LRRC4C: variants seen among roughly 807,000 people sequenced by gnomAD.
LRRC4C encodes the protein leucine-rich repeat-containing protein 4C.
LRRC4C carries 5 observed loss-of-function variants against 33.6 expected under a neutral mutation model. The ratio of observed to expected loss-of-function variants is 0.15; its 90% confidence interval spans 0.08 to 0.31. The LOEUF (loss-of-function observed/expected upper bound fraction) is 0.31. Among genes scored for constraint, LRRC4C ranks in the 10% least tolerant of loss-of-function variants. The pLI is 1.00. For missense variants in LRRC4C, 560 were observed against 796.7 expected (o/e 0.70, Z 3.58); for synonymous variants, 329 against 302.0 (o/e 1.09, Z -0.93).
chr11:40,861,322 A>C (rs1954090028), intron 2 of LRRC4C, among the ~76,000 whole-genome samples: 1 of 152,174 alleles, frequency 6.6e-6, no homozygotes, highest in African/African-American at 2.4e-5. Flanking sequence ...GACCTGGGAA[A>C]CCTGGGACTT....
intron 1 of LRRC4C, among the ~76,000 whole-genome samples, chr11:40,996,894 C>T (rs1214133675): frequency 6.6e-6 from 1 of 152,046 alleles, no homozygotes. Flanking sequence ...GGATCCGTCC[C>T]CATGAGCCAA....
At chr11:40,857,985 A>AAGGGAAAGGGAC (rs1340180050) in intron 2 of LRRC4C, among the ~76,000 whole-genome samples, 1,374 of 119,874 alleles carry the variant, frequency 0.011, 38 homozygotes, top group African/African-American at 0.028. Context: ...GGGAAAGGGA[A>AAGGGAAAGGGAC]AGGGACAGGG....
chr11:40,473,805 A>G (rs1273442166), intron 3 of LRRC4C, among the ~76,000 whole-genome samples: 3 of 152,168 alleles, frequency 2.0e-5, no homozygotes, highest in Non-Finnish European at 4.4e-5. Flanking sequence ...CCTCTACACC[A>G]TAATAGACAA....
At chr11:40,900,022 G>A (rs1956136825) in intron 2 of LRRC4C, among the ~76,000 whole-genome samples, 1 of 151,892 alleles carries the variant, frequency 6.6e-6, no homozygotes, top group African/African-American at 2.4e-5. Flanking sequence ...AATGATTTTT[G>A]CCTGAATTAA....
At chr11:40,462,194 A>G (rs1177122665) in intron 3 of LRRC4C, among the ~76,000 whole-genome samples, 1 of 152,106 alleles carries the variant, frequency 6.6e-6, no homozygotes, top group African/African-American at 2.4e-5. Flanking sequence ...TTATAAATAG[A>G]GGATAAAACT....
chr11:41,051,397 T>A (rs1048518170), intron 1 of LRRC4C, among the ~76,000 whole-genome samples: 1 of 152,110 alleles, frequency 6.6e-6, no homozygotes, highest in East Asian at 1.9e-4. Flanking sequence ...AAGGTAATTC[T>A]ACTTTACATC....
At chr11:40,700,503 C>A (rs1176292656) in intron 2 of LRRC4C, among the ~76,000 whole-genome samples, 1 of 152,104 alleles carries the variant, frequency 6.6e-6, no homozygotes, top group Non-Finnish European at 1.5e-5. Context: ...ATTTCACATT[C>A]TTATCTCAAG....
intron 5 of LRRC4C, among the ~76,000 whole-genome samples, chr11:40,224,155 G>T (rs1366401597): frequency 1.3e-5 from 2 of 152,038 alleles, no homozygotes; most frequent in African/African-American, 4.8e-5. Flanking sequence ...TATTTCCCAC[G>T]GGATGAGTTT....
chr11:40,697,024 C>T (rs948291458), intron 2 of LRRC4C, among the ~76,000 whole-genome samples: 5 of 151,902 alleles, frequency 3.3e-5, no homozygotes, highest in Non-Finnish European at 7.4e-5. Flanking sequence ...TTGAAAGAAG[C>T]ACTAAGTATG....
intron 1 of LRRC4C, among the ~76,000 whole-genome samples, chr11:41,122,630 A>T (rs1337599576): frequency 6.6e-6 from 1 of 151,992 alleles, no homozygotes; most frequent in Non-Finnish European, 1.5e-5. Context: ...ATAGATAGAA[A>T]TATATATAAA....
intron 3 of LRRC4C, among the ~76,000 whole-genome samples, chr11:40,358,970 T>C (rs1318524468): frequency 6.6e-6 from 1 of 152,168 alleles, no homozygotes; most frequent in East Asian, 1.9e-4. Flanking sequence ...CAATCATAAA[T>C]AGTTTACTTG....
chr11:40,419,508 T>C (rs746408467), intron 3 of LRRC4C, among the ~76,000 whole-genome samples: 14 of 152,128 alleles, frequency 9.2e-5, no homozygotes, highest in Admixed American at 2.0e-4. Context: ...ATTTAATTAA[T>C]ATACTGAAAG....
intron 5 of LRRC4C, among the ~76,000 whole-genome samples, chr11:40,154,043 G>T (rs1391874185): frequency 6.6e-6 from 1 of 152,064 alleles, no homozygotes; most frequent in South Asian, 2.1e-4. Flanking sequence ...GAGGCACCAG[G>T]TAACCTATAA....
chr11:41,202,407 A>T (rs1384344921), intron 1 of LRRC4C, among the ~76,000 whole-genome samples: 5 of 152,158 alleles, frequency 3.3e-5, no homozygotes, highest in African/African-American at 1.2e-4. Flanking sequence ...CCCAAACCTG[A>T]AGCTCTTTTT....
At chr11:40,797,941 T>C (rs1950896764) in intron 2 of LRRC4C, among the ~76,000 whole-genome samples, 1 of 152,214 alleles carries the variant, frequency 6.6e-6, no homozygotes, top group African/African-American at 2.4e-5. Flanking sequence ...CCCTAAAGTA[T>C]GTAGGAGTAA....
chr11:41,187,804 A>G (rs1266647648), intron 1 of LRRC4C, among the ~76,000 whole-genome samples: 1 of 152,182 alleles, frequency 6.6e-6, no homozygotes, highest in Non-Finnish European at 1.5e-5. Context: ...GAGCACCACA[A>G]CCTGCCCATC....
chr11:40,275,215 T>C (rs1003575969), intron 4 of LRRC4C, among the ~76,000 whole-genome samples: 5 of 152,188 alleles, frequency 3.3e-5, no homozygotes, highest in East Asian at 3.8e-4. Flanking sequence ...TTTGCCTCTA[T>C]CTGTTATTGC....
chr11:40,922,800 T>G (rs1337307956), intron 2 of LRRC4C, among the ~76,000 whole-genome samples: 2 of 152,202 alleles, frequency 1.3e-5, no homozygotes, highest in East Asian at 3.9e-4. Context: ...GTAGTATAGG[T>G]GAAGTGAATT....
intron 1 of LRRC4C, among the ~76,000 whole-genome samples, chr11:40,992,607 C>T (rs988323075): frequency 2.6e-5 from 4 of 152,026 alleles, no homozygotes; most frequent in African/African-American, 9.7e-5. Context: ...AACTTCATTA[C>T]ATTTTAAAAC....
Sources: allele counts gnomAD v4.1 joint callset (sites outside exome capture counted in the v4.1 genomes callset), GRCh38; gene constraint gnomAD v4.1.1; transcripts MANE v1.5; gene names NCBI Gene and HGNC (gene_info 2026-07-23, HGNC 2026-07-21).